Variants in CAST observed in about 807,000 individuals in gnomAD.
CAST encodes calpastatin, also known as MIR583 host.
CAST carries 76 observed loss-of-function variants against 119.6 expected under a neutral mutation model. That is an observed-to-expected ratio of 0.64 (90% CI 0.53 to 0.77). CAST has a LOEUF of 0.77. Ranked by LOEUF, CAST falls within the 30% of genes least tolerant of loss-of-function variation. CAST has a pLI of 0.00. For synonymous variants in CAST, 319 were observed against 331.6 expected, an observed-to-expected ratio of 0.96 and a Z score of 0.41; for missense variants, 953 against 946.5, an observed-to-expected ratio of 1.01 and a Z score of -0.09.
At chr5:96,028,975 A>G in the CAST span, among the ~76,000 whole-genome samples, 1 of 152,198 alleles carries the variant, frequency 6.6e-6, no homozygotes, top group African/African-American at 2.4e-5. Context: ...AGTACATGCC[A>G]TTTATGGCAC....
the CAST span, among the ~76,000 whole-genome samples, chr5:96,479,576 A>T: frequency 1.3e-5 from 2 of 150,358 alleles, no homozygotes; most frequent in Admixed American, 1.3e-4. Flanking sequence ...CAACCTCCCC[A>T]GTAGCTGGGA....
At chr5:96,548,040 ATC>A (rs371071829) in intron 1 of CAST, among the ~76,000 whole-genome samples, 5 of 152,290 alleles carry the variant, frequency 3.3e-5, no homozygotes, top group Non-Finnish European at 5.9e-5. Flanking sequence ...TGCAATCATA[ATC>A]TCTCTGTTTG....
the CAST span, among the ~76,000 whole-genome samples, chr5:96,188,606 GTAA>G: frequency 6.6e-6 from 1 of 152,126 alleles, no homozygotes; most frequent in East Asian, 1.9e-4. Flanking sequence ...ATGTAAGATG[GTAA>G]TAATAAAACC....
chr5:96,132,834 TGA>T, the CAST span, among the ~76,000 whole-genome samples: 1 of 152,168 alleles, frequency 6.6e-6, no homozygotes, highest in Non-Finnish European at 1.5e-5. Context: ...ACCTATAGAA[TGA>T]GAGTTTTATG....
At chr5:96,551,636 G>T (rs6893094) in intron 1 of CAST, among the ~76,000 whole-genome samples, 2 of 151,574 alleles carry the variant, frequency 1.3e-5, no homozygotes, top group African/African-American at 4.9e-5. Flanking sequence ...ATTGGATAAA[G>T]AGTCAAGACC....
chr5:96,067,373 A>C, the CAST span, among the ~76,000 whole-genome samples: 1 of 152,204 alleles, frequency 6.6e-6, no homozygotes, highest in Non-Finnish European at 1.5e-5. Context: ...GATATGGCTC[A>C]TTATAGTCTC....
chr5:96,130,519 G>C, the CAST span, among the ~76,000 whole-genome samples: 1 of 151,474 alleles, frequency 6.6e-6, no homozygotes, highest in Non-Finnish European at 1.5e-5. Flanking sequence ...GTATCATACT[G>C]GTTCATTAAT....
At chr5:96,103,250 C>A in the CAST span, among the ~76,000 whole-genome samples, 1 of 151,740 alleles carries the variant, frequency 6.6e-6, no homozygotes, top group Non-Finnish European at 1.5e-5. Context: ...GCACAATGTG[C>A]AGGTTAGTTA....
chr5:96,408,321 C>A, the CAST span: 1 of 1,612,686 alleles, frequency 6.2e-7, no homozygotes, highest in South Asian at 1.1e-5. Context: ...GGTCAGCGCT[C>A]GTCTGGATGA....
the CAST span, among the ~76,000 whole-genome samples, chr5:96,231,794 C>A: frequency 2.0e-5 from 3 of 151,932 alleles, no homozygotes; most frequent in African/African-American, 7.3e-5. Flanking sequence ...AAAAAAAGCA[C>A]ATTGAATTTT....
chr5:96,242,507 T>C, the CAST span, among the ~76,000 whole-genome samples: 2 of 152,202 alleles, frequency 1.3e-5, no homozygotes, highest in African/African-American at 4.8e-5. Context: ...TCTGCTGTCA[T>C]GGAGCCTCCA....
chr5:96,021,769 A>G, the CAST span, among the ~76,000 whole-genome samples: 1 of 152,072 alleles, frequency 6.6e-6, no homozygotes, highest in South Asian at 2.1e-4. Flanking sequence ...CATTTTCACA[A>G]ATCAGTTTGT....
intron 16 of CAST, among the ~76,000 whole-genome samples, chr5:96,744,252 A>G (rs1251857950): frequency 1.3e-5 from 2 of 152,224 alleles, no homozygotes; most frequent in Admixed American, 6.5e-5. Context: ...TGCTGCTAAT[A>G]AAGACATACC....
At chr5:96,752,550 ATAACCTCAGGGATTTTTTTTTTTTTTTT>A (rs1435133223) in intron 20 of CAST, among the ~76,000 whole-genome samples, 3 of 57,982 alleles carry the variant, frequency 5.2e-5, no homozygotes, top group East Asian at 4.1e-4. Flanking sequence ...AACCTCAGGG[ATAACCTCAGGGATTTTTTTTTTTTTTTT>A]TTTTTTTTTT....
the CAST span, chr5:96,433,181 G>A: frequency 6.1e-6 from 5 of 813,710 alleles, no homozygotes; most frequent in Non-Finnish European, 1.0e-5. Flanking sequence ...CGAAGAGCTA[G>A]GAGGCGCGAG....
intron 4 of CAST, among the ~76,000 whole-genome samples, chr5:96,725,665 T>C (rs1012625604): frequency 6.6e-6 from 1 of 152,236 alleles, no homozygotes; most frequent in Non-Finnish European, 1.5e-5. Context: ...TAGATTGCAT[T>C]ATAAGCTGCT....
chr5:96,065,281 A>G, the CAST span, among the ~76,000 whole-genome samples: 1 of 152,000 alleles, frequency 6.6e-6, no homozygotes. Context: ...TGGATTAACA[A>G]TTTTTAAATT....
chr5:96,167,742 A>G, the CAST span, among the ~76,000 whole-genome samples: 1 of 152,144 alleles, frequency 6.6e-6, no homozygotes, highest in Non-Finnish European at 1.5e-5. Context: ...GCCTTCTCAG[A>G]CCCTGTGGGA....
the CAST span, among the ~76,000 whole-genome samples, chr5:96,339,450 G>A: frequency 6.3e-3 from 960 of 152,290 alleles, 14 homozygotes; most frequent in African/African-American, 0.022. Context: ...CTAATTATTG[G>A]TCATAACATT....
Sources: gnomAD v4.1 joint callset for allele counts (sites outside exome capture counted in the v4.1 genomes callset) on GRCh38, gnomAD v4.1.1 for gene constraint, MANE v1.5 for transcripts, NCBI Gene and HGNC (gene_info 2026-07-23, HGNC 2026-07-21) for gene names.